MCPH1: variants seen among roughly 807,000 people sequenced by gnomAD.
MCPH1 encodes microcephalin 1, also known as microcephalin.
In MCPH1, 104 loss-of-function variants were observed where a neutral mutation model predicts 84.5. The ratio of observed to expected loss-of-function variants is 1.23; its 90% CI spans 1.05 to 1.45. The LOEUF (loss-of-function observed/expected upper bound fraction) is 1.45, where lower values mean the gene tolerates loss of function less well. Ranked by LOEUF, MCPH1 falls within the 40% of genes most tolerant of loss-of-function variation. The probability of loss-of-function intolerance (pLI) is 0.00; values close to 1 mark genes in which losing one functional copy is unlikely to be tolerated. For missense variants in MCPH1, 1,498 were observed against 1,005.7 expected (o/e 1.49, Z -6.62); for synonymous variants, 514 against 366.8 (o/e 1.40, Z -4.58).
chr8:6,529,717 G>A (rs1460261971), intron 12 of MCPH1, among the ~76,000 whole-genome samples: 1 of 147,612 alleles, frequency 6.8e-6, no homozygotes, highest in South Asian at 2.1e-4. Context: ...CACCCACCTC[G>A]GCCTCTCAAA....
rs556470293 is a variant in MCPH1 at position 6,561,172 on chromosome 8, T to G, written c.2215-60282T>G. 2.9e-4 allele frequency among the ~76,000 whole-genome samples: 44 copies of G among 152,354 alleles called. 1 individual carries two copies. Among genetic ancestry groups the G allele is most frequent in the African/African-American group, 1.0e-3 (43 of 41,572 alleles). On this transcript the variant is annotated intron_variant, in intron 12 of 13. Coordinates refer to ENST00000344683, the MANE Select transcript of MCPH1 (RefSeq NM_024596.5). ...CGTAATTATTCACACAGCTATGAAT[T>G]TTAGAAGATGTTTAAAAGCAAACCA...
chr8:6,406,966 C>T (rs1195730696), intron 1 of MCPH1: 6 of 514,532 alleles, frequency 1.2e-5, no homozygotes, highest in Non-Finnish European at 2.1e-5. Flanking sequence ...CGACTGCCTG[C>T]TTCCTCCCCC....
chr8:6,589,262 T>G (rs920594656), intron 12 of MCPH1, among the ~76,000 whole-genome samples: 8 of 151,890 alleles, frequency 5.3e-5, no homozygotes, highest in Non-Finnish European at 7.4e-5. Context: ...TATTTTTTCC[T>G]TCTTCAAAAA....
At chr8:6,591,177 G>A (rs1325208155) in intron 12 of MCPH1, among the ~76,000 whole-genome samples, 8 of 152,262 alleles carry the variant, frequency 5.3e-5, no homozygotes, top group African/African-American at 9.6e-5. Flanking sequence ...GATTACAGGC[G>A]TGAGCCACCA....
chr8:6,504,677 C>T (rs562812355), intron 12 of MCPH1, among the ~76,000 whole-genome samples: 4 of 152,200 alleles, frequency 2.6e-5, no homozygotes, highest in African/African-American at 7.2e-5. Context: ...AGAAAAAAAT[C>T]GTACACTAAG....
chr8:6,559,019 G>A (rs1825092244), intron 12 of MCPH1, among the ~76,000 whole-genome samples: 1 of 151,960 alleles, frequency 6.6e-6, no homozygotes, highest in Admixed American at 6.6e-5. Flanking sequence ...TTACTATATA[G>A]TAATACTAAC....
intron 12 of MCPH1, chr8:6,563,273 A>G (rs1191891034): frequency 5.4e-6 from 1 of 183,938 alleles, no homozygotes; most frequent in African/African-American, 2.3e-5. Flanking sequence ...TCCTTTCCTT[A>G]TATGATAAGT....
In MCPH1 at chr8:6,425,043, C is replaced by T. The variant is rs149154963; in HGVS notation, c.234-6456C>T. Among the ~76,000 whole-genome samples, 117 of 152,292 alleles carry T rather than the reference C, an allele frequency of 7.7e-4. No individual in the cohort carries two copies. The East Asian group carries it at 0.021, about 27-fold the overall frequency. ...TGGCACAAGAGTAGCATAAAGAATG[C>T]AGGATTGGCCCAGGTGAAGGCATCG... is the stretch of plus-strand genomic sequence containing the variant. On this transcript the variant is annotated intron_variant, in intron 3 of 13. Coordinates refer to ENST00000344683, the MANE Select transcript of MCPH1 (RefSeq NM_024596.5).
chr8:6,539,680 T>G (rs1203753058), intron 12 of MCPH1, among the ~76,000 whole-genome samples: 3 of 152,128 alleles, frequency 2.0e-5, no homozygotes, highest in African/African-American at 7.2e-5. Context: ...TCTGCCTCCC[T>G]GGTTCAAACG....
At chr8:6,509,466 G>T (rs1031676862) in intron 12 of MCPH1, among the ~76,000 whole-genome samples, 2 of 152,180 alleles carry the variant, frequency 1.3e-5, no homozygotes, top group African/African-American at 4.8e-5. Context: ...TTTTCCGCAG[G>T]GGGCCCCGGG....
chr8:6,456,329 C>T (rs1805675621), intron 9 of MCPH1, among the ~76,000 whole-genome samples: 1 of 152,212 alleles, frequency 6.6e-6, no homozygotes, highest in African/African-American at 2.4e-5. Flanking sequence ...CCTGCGGGAC[C>T]TGCTCAGCGC....
intron 12 of MCPH1, among the ~76,000 whole-genome samples, chr8:6,532,910 C>T (rs953668432): frequency 1.3e-5 from 2 of 152,190 alleles, no homozygotes; most frequent in African/African-American, 2.4e-5. Context: ...CACTATTTCT[C>T]TCACATTCTA....
chr8:6,554,141 A>G (rs1298335621), intron 12 of MCPH1, among the ~76,000 whole-genome samples: 4 of 150,098 alleles, frequency 2.7e-5, no homozygotes, highest in Non-Finnish European at 5.9e-5. Context: ...TAAGACCCAT[A>G]TTAGACTAAT....
intron 12 of MCPH1, among the ~76,000 whole-genome samples, chr8:6,592,623 G>GTTTTTTTTT (rs573651366): frequency 2.1e-4 from 16 of 77,560 alleles, no homozygotes; most frequent in Admixed American, 3.3e-4. Flanking sequence ...TCTTTTTTTT[G>GTTTTTTTTT]TTTTTTTTTT....
chr8:6,543,695 A>T (rs537765204), intron 12 of MCPH1, among the ~76,000 whole-genome samples: 1 of 152,244 alleles, frequency 6.6e-6, no homozygotes, highest in African/African-American at 2.4e-5. Flanking sequence ...TTTCTGAACT[A>T]TTTAGGAAGA....
At chr8:6,439,449 G>A (rs1803175867) in intron 6 of MCPH1, among the ~76,000 whole-genome samples, 1 of 149,486 alleles carries the variant, frequency 6.7e-6, no homozygotes, top group African/African-American at 2.5e-5. Flanking sequence ...GGAGTGCAGT[G>A]GCGCGATCTG....
intron 13 of MCPH1, among the ~76,000 whole-genome samples, chr8:6,642,192 T>C (rs1034155787): frequency 7.9e-5 from 12 of 152,228 alleles, no homozygotes; most frequent in Non-Finnish European, 1.5e-4. Flanking sequence ...CACACAATCA[T>C]TGTGATTCTT....
At chr8:6,570,800 GTTGTT>G (rs774574112) in intron 12 of MCPH1, among the ~76,000 whole-genome samples, 95 of 96,394 alleles carry the variant, frequency 9.9e-4, no homozygotes, top group African/African-American at 2.8e-3. Context: ...CAGATGGATT[GTTGTT>G]TTTTTTTTTT....
intron 12 of MCPH1, among the ~76,000 whole-genome samples, chr8:6,553,483 G>A (rs1037443129): frequency 4.6e-5 from 7 of 152,020 alleles, no homozygotes; most frequent in African/African-American, 9.7e-5. Context: ...GGCTTCACAC[G>A]TCAACATTTT....
Sources: allele counts gnomAD v4.1 joint callset (sites outside exome capture counted in the v4.1 genomes callset), GRCh38; gene constraint gnomAD v4.1.1; transcripts MANE v1.5; gene names NCBI Gene and HGNC (gene_info 2026-07-23, HGNC 2026-07-21).